Variants in TMA16 observed in about 807,000 individuals in gnomAD.
TMA16 encodes the protein translation machinery associated 16 homolog, also known as translation machinery-associated protein 16.
A neutral mutation model predicts 27.1 loss-of-function variants in TMA16; 26 were observed. That is an observed-to-expected ratio of 0.96 (90% CI 0.70 to 1.33). TMA16 has a LOEUF of 1.33. Ranked by LOEUF, TMA16 falls within the 40% of genes most tolerant of loss-of-function variation. TMA16 has a pLI of 0.00. For missense variants in TMA16, 233 were observed against 241.4 expected, an observed-to-expected ratio of 0.97 and a Z score of 0.23; for synonymous variants, 71 against 81.9, an observed-to-expected ratio of 0.87 and a Z score of 0.72.
intron 6 of TMA16, chr4:163,517,708 T>C (rs577669890): frequency 2.0e-6 from 1 of 491,262 alleles, no homozygotes; most frequent in East Asian, 3.3e-5. Flanking sequence ...TGGTTTAAGA[T>C]ACATTGTTAT....
intron 5 of TMA16, 70 bp downstream of exon 5, chr4:163,515,531 G>C: frequency 7.1e-7 from 1 of 1,416,150 alleles, no homozygotes; most frequent in Non-Finnish European, 9.4e-7. Context: ...GATTTCAAAG[G>C]TTTTATTTTA....
chr4:163,507,001 CTA>C (rs1252363235), intron 1 of TMA16, 30 bp from the exon 2 acceptor site: 2 of 1,520,452 alleles, frequency 1.3e-6, no homozygotes, highest in Non-Finnish European at 1.8e-6. Flanking sequence ...ACATATCTGA[CTA>C]TATGTGTCAT....
chr4:163,505,395 G>A (rs1737706142), intron 1 of TMA16, among the ~76,000 whole-genome samples: 2 of 152,132 alleles, frequency 1.3e-5, no homozygotes, highest in Non-Finnish European at 2.9e-5. Context: ...ATCTTCTCAG[G>A]TTTATCAGAA....
rs760805363 is a variant in TMA16 at position 163,515,438 on chromosome 4, A to G, written c.365A>G (p.Gln122Arg). ...AAGCAGACGATGGAGCGGGAGCGACAGCAGTTTGAGGGATATGGCCTTGGT... is the reference window on the plus strand; with the variant it reads ...AAGCAGACGATGGAGCGGGAGCGACGGCAGTTTGAGGGATATGGCCTTGGT... ...VIKQTMERER[Q>R]QFEGYGLEIP... Residue 122 changes from glutamine (Q) to arginine (R), a missense_variant, in exon 5 of 7, where the codon CAG becomes CGG. Coordinates refer to ENST00000358572, the MANE Select transcript of TMA16 (RefSeq NM_018352.3). 2.5e-6 allele frequency: 4 copies of G among 1,614,024 alleles called. No individual in the cohort carries two copies. In the South Asian group the frequency reaches 4.4e-5, roughly 18 times the overall value.
At chr4:163,515,944 C>A (rs555066829) in intron 5 of TMA16, 3 of 156,720 alleles carry the variant, frequency 1.9e-5, no homozygotes, top group African/African-American at 7.2e-5. Flanking sequence ...CAGTCACTTT[C>A]ATAGTCCACA....
In TMA16 at chr4:163,494,822, C is replaced by T. The variant is rs756527864; in HGVS notation, c.3+18C>T. On this transcript the variant is annotated intron_variant, in intron 1 of 6. Coordinates refer to ENST00000358572, the MANE Select transcript of TMA16 (RefSeq NM_018352.3). The stretch of plus-strand genomic sequence containing the variant: ...TCACCATGGTGGGCCCCCTCCTGCT[C>T]CCCCGAACCGCTCGGTTGGTTCCCC... 4 of 1,611,168 alleles carry T rather than the reference C, an allele frequency of 2.5e-6. No homozygotes were observed. Among genetic ancestry groups the T allele is most frequent in the Non-Finnish European group, 3.4e-6 (4 of 1,180,022 alleles).
Position 163,502,847 on chromosome 4 carries a change from G to A in TMA16, c.4-4186G>A, listed in dbSNP as rs147465262. Among the ~76,000 whole-genome samples the A allele has an allele frequency of 3.6e-3, 539 of 150,698 alleles. 5 individuals carry two copies. Among genetic ancestry groups the A allele is most frequent in the African/African-American group, 0.012 (512 of 41,004 alleles). On this transcript the variant is annotated intron_variant, in intron 1 of 6. Coordinates refer to ENST00000358572, the MANE Select transcript of TMA16 (RefSeq NM_018352.3). Reference sequence around the variant, plus strand: ...GTAGATTTGCTTAGTCCATCATTTCGATCATGTCACTGGTGTAAAATTGGT... The same window carrying A: ...GTAGATTTGCTTAGTCCATCATTTCAATCATGTCACTGGTGTAAAATTGGT...
At chr4:163,512,606 T>G in intron 2 of TMA16, 2 of 449,042 alleles carry the variant, frequency 4.5e-6, no homozygotes, top group Non-Finnish European at 8.1e-6. Flanking sequence ...CCTTTAGACA[T>G]TGAGGTGCTT....
intron 1 of TMA16, among the ~76,000 whole-genome samples, chr4:163,502,302 C>T (rs960435659): frequency 2.0e-5 from 3 of 152,122 alleles, no homozygotes; most frequent in African/African-American, 7.2e-5. Context: ...TTTGATACCT[C>T]ACACTATTTT....
chr4:163,504,884 A>G (rs144017572), intron 1 of TMA16, among the ~76,000 whole-genome samples: 228 of 152,264 alleles, frequency 1.5e-3, no homozygotes, highest in African/African-American at 4.9e-3. Context: ...GTTGAACTGC[A>G]GGCCTCACTT....
chr4:163,508,980 C>T (rs560617149), intron 2 of TMA16, among the ~76,000 whole-genome samples: 2 of 152,274 alleles, frequency 1.3e-5, no homozygotes, highest in South Asian at 2.1e-4. Flanking sequence ...GTAGAAAGCA[C>T]TTAATTTTTC....
At position 163,519,663 on chromosome 4, in the gene TMA16, G is replaced by T. The variant is rs1737940244; in HGVS notation, c.*149G>T. ...ATTTGCGTTTCAAAAATGGTGTTAT[G>T]ATACTTATTTTAAAATGAAGATTGC... is the stretch of plus-strand genomic sequence containing the variant. On this transcript the variant is annotated 3_prime_UTR_variant, in exon 7 of 7. Transcript: ENST00000358572. The T allele has an allele frequency of 1.3e-6, 1 of 758,988 alleles. No homozygotes were observed. Among genetic ancestry groups the T allele is most frequent in the Admixed American group, 3.8e-5 (1 of 25,978 alleles). 47.0% of individuals were successfully genotyped at this position (758,988 alleles called of 1,614,324 possible). A position where few individuals can be genotyped will look rare whatever the true frequency, so the allele number is the denominator to read the frequency against.
chr4:163,504,679 G>A (rs967492744), intron 1 of TMA16, among the ~76,000 whole-genome samples: 1 of 152,092 alleles, frequency 6.6e-6, no homozygotes, highest in African/African-American at 2.4e-5. Flanking sequence ...TATATTTTTA[G>A]TAGAGATGGA....
In TMA16 at chr4:163,519,828, C is replaced by T. The variant is rs1737942572; in HGVS notation, c.*314C>T. 1 of 506,060 alleles carries T rather than the reference C, an allele frequency of 2.0e-6. No individual in the cohort carries two copies. The highest frequency in any genetic ancestry group is 2.2e-5 in the South Asian group (1 of 44,906). The allele number at this position is 506,060 out of a possible 1,614,324, so 31.3% of individuals were successfully genotyped here. On this transcript the variant is annotated 3_prime_UTR_variant, in exon 7 of 7. Transcript: ENST00000358572. Reference sequence around the variant, plus strand: ...TGTTTTTCTTGTGTATTTATGATCACCTAATTTCACGTTTTGTGAAATGGA... The same window carrying T: ...TGTTTTTCTTGTGTATTTATGATCATCTAATTTCACGTTTTGTGAAATGGA...
intron 1 of TMA16, 75 bp downstream of exon 1, chr4:163,494,879 G>A: frequency 6.3e-7 from 1 of 1,599,492 alleles, no homozygotes; most frequent in Non-Finnish European, 8.5e-7. Context: ...CAGAGAGGGA[G>A]GGTGCGGTTT....
chr4:163,512,411 T>G (rs945928695), intron 2 of TMA16: 1 of 155,082 alleles, frequency 6.4e-6, no homozygotes, highest in Admixed American at 6.5e-5. Context: ...CATTCTGTTT[T>G]GTTCTTATTG....
intron 3 of TMA16, 50 bp from the exon 4 acceptor site, chr4:163,514,024 C>T (rs763540089): frequency 7.3e-7 from 1 of 1,372,898 alleles, no homozygotes; most frequent in African/African-American, 1.5e-5. Context: ...TATTTACTTG[C>T]TTAAATGATG....
chr4:163,503,457 A>T (rs1737676055), intron 1 of TMA16, among the ~76,000 whole-genome samples: 1 of 152,178 alleles, frequency 6.6e-6, no homozygotes, highest in South Asian at 2.1e-4. Context: ...CTGCGGCTCA[A>T]CTTGATGGTC....
In TMA16 at chr4:163,514,170, G is replaced by A. The variant is rs746653679; in HGVS notation, c.239+12G>A. ...GAACTAATTGAAAGGTAAACACTGG[G>A]CATATTATGAGCAAAGGGTCAGAAA... On this transcript the variant is annotated intron_variant, in intron 4 of 6. Coordinates refer to ENST00000358572, the MANE Select transcript of TMA16 (RefSeq NM_018352.3). The A allele has an allele frequency of 2.5e-6, 4 of 1,590,024 alleles. No individual in the cohort carries two copies. In the South Asian group the frequency reaches 4.5e-5, roughly 18 times the overall value.
Sources: gnomAD v4.1 joint callset for allele counts (sites outside exome capture counted in the v4.1 genomes callset) on GRCh38, gnomAD v4.1.1 for gene constraint, MANE v1.5 for transcripts, NCBI Gene and HGNC (gene_info 2026-07-23, HGNC 2026-07-21) for gene names.